Variants in HBS1L observed in about 807,000 individuals in gnomAD.
The protein encoded by HBS1L is HBS1-like protein.
Under a neutral mutation model 88.9 loss-of-function variants are expected in HBS1L, and 55 were observed. That is an observed-to-expected ratio of 0.62 (90% CI 0.50 to 0.77). The LOEUF is 0.77. HBS1L is among the 30% of genes least tolerant of loss of function. The pLI is 0.00. For synonymous variants in HBS1L, 267 were observed against 288.5 expected (o/e 0.93, Z 0.76); for missense variants, 741 against 829.3 (o/e 0.89, Z 1.31).
At chr6:134,967,788 T>C (rs1774358481) in intron 16 of HBS1L, among the ~76,000 whole-genome samples, 1 of 152,204 alleles carries the variant, frequency 6.6e-6, no homozygotes, top group Non-Finnish European at 1.5e-5. Flanking sequence ...ACTTGAGCTT[T>C]GTGTCACTTG....
chr6:134,988,852 A>G (rs1387609296), intron 8 of HBS1L, among the ~76,000 whole-genome samples: 2 of 152,228 alleles, frequency 1.3e-5, no homozygotes, highest in African/African-American at 4.8e-5. Flanking sequence ...ATCTACAAAG[A>G]TATTCATCAG....
chr6:135,029,047 T>C (rs1052793082), intron 4 of HBS1L, among the ~76,000 whole-genome samples: 1 of 152,012 alleles, frequency 6.6e-6, no homozygotes, highest in African/African-American at 2.4e-5. Context: ...CATCTTTCCA[T>C]AGAGAAAAGA....
rs955398294 is a variant in HBS1L, at chr6:134,963,063, TA to T, written c.*2215del. The T allele has an allele frequency of 4.6e-5, 7 of 152,204 alleles. No homozygotes were observed. The highest frequency in any genetic ancestry group is 1.0e-4 in the Non-Finnish European group (7 of 68,034). 9.4% of individuals were successfully genotyped at this position (152,204 alleles called of 1,614,324 possible). A position where few individuals can be genotyped will look rare whatever the true frequency, so the allele number is the denominator to read the frequency against. On this transcript the variant is annotated 3_prime_UTR_variant, in exon 18 of 18. Transcript: ENST00000367837. The stretch of plus-strand genomic sequence containing the variant: ...TATTTGTTTATGCTAAACTGTAAAC[TA>T]AAATTCTTAATTCGATCACAGTCTT...
At chr6:135,013,529 CA>C (rs1233367834) in intron 4 of HBS1L, among the ~76,000 whole-genome samples, 4 of 152,174 alleles carry the variant, frequency 2.6e-5, no homozygotes, top group Non-Finnish European at 5.9e-5. Context: ...ACATAAGAGC[CA>C]CTGAAGGAAT....
Position 134,978,921 on chromosome 6 carries a change from G to T in HBS1L, c.1689-134C>A, listed in dbSNP as rs1774733127. On this transcript the variant is annotated intron_variant, in intron 14 of 17. Coordinates refer to ENST00000367837, the MANE Select transcript of HBS1L (RefSeq NM_006620.4). The stretch of plus-strand genomic sequence containing the variant: ...GGACTTTTTCTAAATATTCTCTTCT[G>T]AGCTAAAGCATGACTTTAAACCATT... 4.7e-6 allele frequency: 3 copies of T among 635,668 alleles called. No individual in the cohort carries two copies. The South Asian group carries it at 6.2e-5, about 13-fold the overall frequency. 39.4% of individuals were successfully genotyped at this position (635,668 alleles called of 1,614,324 possible).
intron 4 of HBS1L, among the ~76,000 whole-genome samples, chr6:135,025,518 A>T (rs1776202214): frequency 6.6e-6 from 1 of 152,184 alleles, no homozygotes; most frequent in South Asian, 2.1e-4. Flanking sequence ...AAAATTGACA[A>T]TGCTGACAAA....
At chr6:135,030,407 G>T (rs1776351745) in intron 4 of HBS1L, among the ~76,000 whole-genome samples, 1 of 151,888 alleles carries the variant, frequency 6.6e-6, no homozygotes, top group African/African-American at 2.4e-5. Flanking sequence ...AGGGAAGGGG[G>T]AGAGAAAAAA....
At chr6:134,970,679 T>C (rs1260181578) in intron 15 of HBS1L, among the ~76,000 whole-genome samples, 1 of 152,070 alleles carries the variant, frequency 6.6e-6, no homozygotes, top group Non-Finnish European at 1.5e-5. Context: ...TTTAGGCTTA[T>C]GTCAGCTGAA....
chr6:134,996,057 C>T (rs1775279971), intron 7 of HBS1L, among the ~76,000 whole-genome samples: 1 of 152,110 alleles, frequency 6.6e-6, no homozygotes, highest in South Asian at 2.1e-4. Context: ...AGGACTTCCA[C>T]AGGACTTTAT....
Position 134,964,509 on chromosome 6 carries a change from G to T in HBS1L, c.*770C>A, listed in dbSNP as rs1404540265. ...TTGGATCTGCCATTAGGATAAAAAAGAATTCATGTGACAGAGCTAGGAAAC... is the reference window on the plus strand; with the variant it reads ...TTGGATCTGCCATTAGGATAAAAAATAATTCATGTGACAGAGCTAGGAAAC... On this transcript the variant is annotated 3_prime_UTR_variant, in exon 18 of 18. Transcript: ENST00000367837. 6.6e-6 allele frequency: 1 copy of T among 152,070 alleles called. No homozygotes were observed. Among genetic ancestry groups the T allele is most frequent in the Non-Finnish European group, 1.5e-5 (1 of 68,006 alleles). 9.4% of individuals were successfully genotyped at this position (152,070 alleles called of 1,614,324 possible).
intron 14 of HBS1L, 91 bp downstream of exon 14, chr6:134,979,087 A>C (rs1435885613): frequency 2.3e-6 from 2 of 866,924 alleles, no homozygotes; most frequent in Non-Finnish European, 1.9e-6. Flanking sequence ...AATGAAATTC[A>C]AAATTGAACT....
chr6:134,997,372 G>A (rs369205653), intron 6 of HBS1L, 25 bp downstream of exon 6: 18 of 1,612,108 alleles, frequency 1.1e-5, no homozygotes, highest in East Asian at 2.2e-5. Context: ...GCTGGCTGAC[G>A]ATCCAGAGGG....
chr6:135,031,190 C>T (rs1442055178), intron 4 of HBS1L, among the ~76,000 whole-genome samples: 2 of 151,904 alleles, frequency 1.3e-5, no homozygotes, highest in African/African-American at 2.4e-5. Flanking sequence ...GCCATGAGTT[C>T]GGTGTTAATG....
intron 4 of HBS1L, among the ~76,000 whole-genome samples, chr6:135,028,028 A>C (rs769710129): frequency 1.1e-4 from 17 of 152,112 alleles, no homozygotes; most frequent in Non-Finnish European, 2.4e-4. Flanking sequence ...CAGCCTCCTA[A>C]GCGCTGGGAA....
intron 5 of HBS1L, among the ~76,000 whole-genome samples, chr6:134,998,039 A>G (rs558220472): frequency 3.3e-5 from 5 of 152,238 alleles, no homozygotes; most frequent in Non-Finnish European, 7.3e-5. Context: ...GTACTAAAAT[A>G]TAGTTTTACT....
chr6:135,000,934 T>C (rs146319907), intron 5 of HBS1L, among the ~76,000 whole-genome samples: 105 of 152,310 alleles, frequency 6.9e-4, no homozygotes, highest in Middle Eastern at 3.4e-3. Context: ...ATAGGCTAAG[T>C]GCTATCCCTA....
Position 134,996,825 on chromosome 6 carries a change from G to A in HBS1L, c.917C>T (p.Ser306Leu), listed in dbSNP as rs1235557129. 8 of 1,611,270 alleles carry A rather than the reference G, an allele frequency of 5.0e-6. No individual in the cohort carries two copies. Among genetic ancestry groups the A allele is most frequent in the African/African-American group, 1.3e-5 (1 of 74,832 alleles). ...ATCCAAGACCCATGCATATGCAAAC[G>A]AAGCTTTGCCAGCCTTTTTAGACTC... Reference protein sequence around the residue: ...EQESKKAGKASFAYAWVLDET... With the variant: ...EQESKKAGKALFAYAWVLDET... The change falls in exon 7 of 18, where the codon TCG (serine) becomes TTG (leucine). Residue 306 changes from serine (S) to leucine (L), a missense_variant. By Grantham distance (145) the Ser-to-Leu change is moderately radical. Around this residue, in one of 3 missense-constraint regions of HBS1L, gnomAD observed 556 missense variants for 598.4 expected, o/e 0.93. Coordinates refer to ENST00000367837, the MANE Select transcript of HBS1L (RefSeq NM_006620.4).
chr6:135,018,988 G>A (rs904562626), intron 4 of HBS1L, among the ~76,000 whole-genome samples: 5 of 151,884 alleles, frequency 3.3e-5, no homozygotes, highest in Non-Finnish European at 7.4e-5. Flanking sequence ...CTAGGAATGT[G>A]TATTTGAGAA....
intron 1 of HBS1L, among the ~76,000 whole-genome samples, chr6:135,053,434 GAAT>G (rs956477955): frequency 2.0e-5 from 3 of 152,210 alleles, no homozygotes; most frequent in African/African-American, 7.2e-5. Flanking sequence ...AGAAATGAAT[GAAT>G]AATAAATAGG....
Sources: gnomAD v4.1 joint callset for allele counts (sites outside exome capture counted in the v4.1 genomes callset) on GRCh38, gnomAD v4.1.1 for gene constraint, gnomAD v4.1.1 regional missense constraint, MANE v1.5 for transcripts, NCBI Gene and HGNC (gene_info 2026-07-23, HGNC 2026-07-21) for gene names.